Variants in CAPZA2 observed in about 807,000 individuals in gnomAD.
CAPZA2 encodes capping actin protein of muscle Z-line subunit alpha 2.
In CAPZA2, 13 loss-of-function variants were observed where a neutral mutation model predicts 44.0. The observed-to-expected ratio is 0.30, with a 90% CI of 0.19 to 0.47. The LOEUF (loss-of-function observed/expected upper bound fraction) is 0.47. CAPZA2 is among the 20% of genes least tolerant of loss of function. The pLI, the probability that CAPZA2 is intolerant of heterozygous loss-of-function variation, is 1.00. For missense variants in CAPZA2, 244 were observed against 338.6 expected (o/e 0.72, Z 2.19); for synonymous variants, 94 against 108.2 (o/e 0.87, Z 0.81).
chr7:116,914,432 TACACACAC>T (rs71148345), intron 8 of CAPZA2, among the ~76,000 whole-genome samples: 25,006 of 145,146 alleles, frequency 0.17, 2,450 homozygotes, highest in East Asian at 0.28. Flanking sequence ...TATACATACA[TACACACAC>T]ACACACACAC....
intron 1 of CAPZA2, among the ~76,000 whole-genome samples, chr7:116,867,811 T>A (rs919531024): frequency 2.0e-5 from 3 of 152,178 alleles, no homozygotes; most frequent in Non-Finnish European, 4.4e-5. Flanking sequence ...CTGGAACTCC[T>A]GAGCTCAGGT....
intron 3 of CAPZA2, among the ~76,000 whole-genome samples, chr7:116,894,902 A>C (rs966316525): frequency 6.6e-6 from 1 of 152,176 alleles, no homozygotes; most frequent in African/African-American, 2.4e-5. Context: ...TTTATCTTCC[A>C]ATGGACACTT....
chr7:116,911,918 GTC>G, intron 7 of CAPZA2, 149 bp from the exon 8 acceptor site: 1 of 1,290,394 alleles, frequency 7.7e-7, no homozygotes, highest in Non-Finnish European at 1.1e-6. Flanking sequence ...GGCAGGAAGA[GTC>G]TTGCTGGAGT....
At chr7:116,905,013 G>T (rs1339090976) in intron 5 of CAPZA2, among the ~76,000 whole-genome samples, 2 of 146,426 alleles carry the variant, frequency 1.4e-5, no homozygotes, top group Non-Finnish European at 3.0e-5. Flanking sequence ...GTGGTAGCAC[G>T]TGCCTGTAGT....
At chr7:116,898,898 C>T (rs1451679332) in intron 4 of CAPZA2, 63 bp downstream of exon 4, 2 of 953,454 alleles carry the variant, frequency 2.1e-6, no homozygotes, top group Non-Finnish European at 3.3e-6. Flanking sequence ...CCTGCAAGAG[C>T]TGTGAAGTGG....
intron 6 of CAPZA2, among the ~76,000 whole-genome samples, chr7:116,908,090 C>T (rs1791540974): frequency 6.9e-6 from 1 of 145,072 alleles, no homozygotes; most frequent in Admixed American, 7.0e-5. Flanking sequence ...ACGACCCCAT[C>T]TCTAGGAAAA....
chr7:116,876,990 G>A (rs778703422), intron 1 of CAPZA2, among the ~76,000 whole-genome samples: 18 of 152,120 alleles, frequency 1.2e-4, no homozygotes, highest in South Asian at 4.1e-4. Context: ...AGGGCTGGCC[G>A]GGACCCAAAG....
At chr7:116,906,175 G>T (rs533455389) in intron 5 of CAPZA2, 88 bp from the exon 6 acceptor site, 139 of 1,535,202 alleles carry the variant, frequency 9.1e-5, no homozygotes, top group East Asian at 1.2e-4. Flanking sequence ...TCAAAGTACT[G>T]TACAATTTGC....
chr7:116,903,454 T>A (rs2115957184), intron 4 of CAPZA2, among the ~76,000 whole-genome samples: 1 of 152,274 alleles, frequency 6.6e-6, no homozygotes, highest in African/African-American at 2.4e-5. Flanking sequence ...TAGAAAGGTA[T>A]ATCCTGTGTT....
chr7:116,908,147 G>C (rs1003407058), intron 6 of CAPZA2, among the ~76,000 whole-genome samples: 2 of 151,516 alleles, frequency 1.3e-5, no homozygotes, highest in African/African-American at 4.8e-5. Flanking sequence ...TATAGTCCTA[G>C]CTACTTGGGA....
chr7:116,921,394 AGTG>A lies in CAPZA2; in HGVS notation c.*3532_*3534del, dbSNP rs779652325. 3.3e-5 allele frequency: 5 copies of A among 151,546 alleles called. No individual in the cohort carries two copies. Among genetic ancestry groups the A allele is most frequent in the Non-Finnish European group, 5.9e-5 (4 of 68,018 alleles). The allele number at this position is 151,546 out of a possible 1,614,324, so 9.4% of individuals were successfully genotyped here. On this transcript the variant is annotated 3_prime_UTR_variant, in exon 10 of 10. Transcript: ENST00000361183. ...AGACTCTGTCCCAAAAAAAAAAAAA[AGTG>A]GTGGGCTGGCCACGATGGCTCACGC...
intron 1 of CAPZA2, 96 bp downstream of exon 1, chr7:116,862,746 C>A (rs1054998240): frequency 7.4e-7 from 1 of 1,343,274 alleles, no homozygotes; most frequent in Non-Finnish European, 1.0e-6. Context: ...GGCATTGGCC[C>A]GCAGCTGGCC....
chr7:116,889,898 C>G (rs1230831095), intron 2 of CAPZA2, among the ~76,000 whole-genome samples: 1 of 152,138 alleles, frequency 6.6e-6, no homozygotes, highest in Non-Finnish European at 1.5e-5. Context: ...ACTTTTACTT[C>G]GTGTAAGATT....
intron 6 of CAPZA2, 115 bp downstream of exon 6, chr7:116,906,457 A>G: frequency 1.4e-6 from 2 of 1,435,256 alleles, no homozygotes; most frequent in Non-Finnish European, 1.8e-6. Flanking sequence ...CAATTTAGAG[A>G]TGGTATAAAA....
chr7:116,908,427 TTTG>T (rs915241837), intron 6 of CAPZA2, among the ~76,000 whole-genome samples: 28 of 152,274 alleles, frequency 1.8e-4, no homozygotes, highest in African/African-American at 6.5e-4. Context: ...AATATAAATG[TTTG>T]TTGAGTGAAT....
intron 4 of CAPZA2, among the ~76,000 whole-genome samples, chr7:116,902,514 A>G (rs1283360205): frequency 6.6e-6 from 1 of 152,128 alleles, no homozygotes; most frequent in Non-Finnish European, 1.5e-5. Flanking sequence ...CCATCAGACT[A>G]AAAAAAGAGC....
intron 1 of CAPZA2, among the ~76,000 whole-genome samples, chr7:116,865,584 T>C (rs915525216): frequency 1.3e-5 from 2 of 152,054 alleles, no homozygotes; most frequent in Non-Finnish European, 2.9e-5. Context: ...AGGAGAAACG[T>C]TGATTCTTCC....
rs1791722481 is a variant in CAPZA2, at chr7:116,918,929, A to G, written c.*1062A>G. 1 of 152,192 alleles carries G rather than the reference A, an allele frequency of 6.6e-6. No homozygotes were observed. The highest frequency in any genetic ancestry group is 2.1e-4 in the South Asian group (1 of 4,836). The allele number at this position is 152,192 out of a possible 1,614,324, so 9.4% of individuals were successfully genotyped here. On this transcript the variant is annotated 3_prime_UTR_variant, in exon 10 of 10. Transcript: ENST00000361183. ...TTTCAAAAATAGTTCTACTGATGCT[A>G]CAGGAATTTCAAGCCTGTGGTGAAT...
At chr7:116,886,676 G>A in intron 1 of CAPZA2, among the ~76,000 whole-genome samples, 1 of 152,232 alleles carries the variant, frequency 6.6e-6, no homozygotes, top group Non-Finnish European at 1.5e-5. Flanking sequence ...TTTAAATGGT[G>A]TTTCCCAGGA....
Sources: gnomAD v4.1 joint callset for allele counts (sites outside exome capture counted in the v4.1 genomes callset) on GRCh38, gnomAD v4.1.1 for gene constraint, MANE v1.5 for transcripts, NCBI Gene and HGNC (gene_info 2026-07-23, HGNC 2026-07-21) for gene names.